The following FOXN3 variants were observed in gnomAD, a reference collection of about 807,000 sequenced individuals.
FOXN3 encodes forkhead box protein N3.
FOXN3 carries 7 observed loss-of-function variants against 38.4 expected under a neutral mutation model. The observed-to-expected ratio is 0.18, with a 90% CI of 0.10 to 0.34. FOXN3 has a LOEUF of 0.34. FOXN3 is among the 10% of genes least tolerant of loss of function. The pLI, the probability that FOXN3 is intolerant of heterozygous loss-of-function variation, is 1.00. For synonymous variants in FOXN3, 230 were observed against 242.2 expected, an observed-to-expected ratio of 0.95 and a Z score of 0.47; for missense variants, 456 against 613.4, an observed-to-expected ratio of 0.74 and a Z score of 2.71.
intron 1 of FOXN3, among the ~76,000 whole-genome samples, chr14:89,504,607 A>T (rs1893871747): frequency 6.6e-6 from 1 of 152,206 alleles, no homozygotes; most frequent in African/African-American, 2.4e-5. Flanking sequence ...AGAACTGCCC[A>T]TTCCAGGCAC....
chr14:89,533,527 G>A (rs149860479), intron 1 of FOXN3, among the ~76,000 whole-genome samples: 3,440 of 152,176 alleles, frequency 0.023, 58 homozygotes, highest in Non-Finnish European at 0.036. Context: ...GCCGGGCATG[G>A]TGGCGGGGGC....
intron 5 of FOXN3, among the ~76,000 whole-genome samples, chr14:89,166,094 T>G (rs778706171): frequency 2.0e-5 from 3 of 152,220 alleles, no homozygotes; most frequent in Non-Finnish European, 2.9e-5. Context: ...CTATTCATTG[T>G]GCTTTTCTTT....
chr14:89,350,537 A>C, intron 3 of FOXN3, 135 bp downstream of exon 3: 3 of 748,266 alleles, frequency 4.0e-6, no homozygotes, highest in Non-Finnish European at 6.1e-6. Flanking sequence ...CCTCCTAATA[A>C]TACTTAATTT....
intron 3 of FOXN3, among the ~76,000 whole-genome samples, chr14:89,301,787 A>G (rs1238464543): frequency 2.0e-5 from 3 of 152,086 alleles, no homozygotes; most frequent in Non-Finnish European, 4.4e-5. Flanking sequence ...AAAAAATTCC[A>G]AAAAGTAATC....
chr14:89,403,418 G>A (rs1015940248), intron 2 of FOXN3, among the ~76,000 whole-genome samples: 3 of 152,050 alleles, frequency 2.0e-5, no homozygotes, highest in Admixed American at 6.6e-5. Flanking sequence ...GGCTGGTCTC[G>A]AACTCCTGGG....
intron 3 of FOXN3, among the ~76,000 whole-genome samples, chr14:89,338,082 G>A (rs549251997): frequency 6.6e-6 from 1 of 152,112 alleles, no homozygotes; most frequent in South Asian, 2.1e-4. Context: ...GTCTGGCCTC[G>A]TGCATACCCA....
chr14:89,270,236 G>T (rs1886106157), intron 4 of FOXN3, among the ~76,000 whole-genome samples: 1 of 152,204 alleles, frequency 6.6e-6, no homozygotes, highest in South Asian at 2.1e-4. Flanking sequence ...TGCATCAGGA[G>T]CTTCAGAGAG....
Position 89,415,847 on chromosome 14 carries a change from TACACACACACACAC to T in FOXN3, c.-15+1010_-15+1023del, listed in dbSNP as rs5810462. On this transcript the variant is annotated intron_variant, in intron 1 of 5. Transcript: ENST00000557258. ...TGGTGACCTCCTTACAACTTTTCTCTACACACACACACACACACACACACACACACACACACCCT... is the reference window on the plus strand; with the variant it reads ...TGGTGACCTCCTTACAACTTTTCTCTACACACACACACACACACACACCCT... Among the ~76,000 whole-genome samples, 9 of 140,492 alleles carry T rather than the reference TACACACACACACAC, an allele frequency of 6.4e-5. No homozygotes were observed. The South Asian group carries it at 1.1e-3, about 17-fold the overall frequency. 92.2% of individuals were successfully genotyped at this position (140,492 alleles called of 152,430 possible).
intron 3 of FOXN3, among the ~76,000 whole-genome samples, chr14:89,296,985 G>A (rs1887058395): frequency 6.6e-6 from 1 of 152,174 alleles, no homozygotes; most frequent in Non-Finnish European, 1.5e-5. Context: ...AACAGCTTCA[G>A]AATTTGGGCC....
At chr14:89,183,271 G>A (rs1002934421) in intron 4 of FOXN3, among the ~76,000 whole-genome samples, 1 of 152,164 alleles carries the variant, frequency 6.6e-6, no homozygotes, top group African/African-American at 2.4e-5. Context: ...CTCAGGTAGA[G>A]CAACAACTTA....
At chr14:89,216,139 A>G (rs1387124870) in intron 4 of FOXN3, among the ~76,000 whole-genome samples, 1 of 152,180 alleles carries the variant, frequency 6.6e-6, no homozygotes, top group Non-Finnish European at 1.5e-5. Context: ...GTTGGTTAAC[A>G]GGCACTTACA....
intron 4 of FOXN3, among the ~76,000 whole-genome samples, chr14:89,252,199 A>C (rs555156634): frequency 6.6e-6 from 1 of 152,238 alleles, no homozygotes; most frequent in African/African-American, 2.4e-5. Flanking sequence ...ATAACCTGCT[A>C]AACTACCAGC....
chr14:89,386,131 G>T (rs1176482819), intron 2 of FOXN3, among the ~76,000 whole-genome samples: 1 of 152,224 alleles, frequency 6.6e-6, no homozygotes, highest in African/African-American at 2.4e-5. Context: ...GATGCACACG[G>T]GGGAGCTCGG....
rs370527287 is a variant in FOXN3, at chr14:89,426,115, G to A, written c.-14-13625C>T. Among the ~76,000 whole-genome samples the A allele has an allele frequency of 2.2e-4, 33 of 151,948 alleles. No homozygotes were observed. In the South Asian group the frequency reaches 4.8e-3, roughly 22 times the overall value. The stretch of plus-strand genomic sequence containing the variant: ...GGACACTTGGAAAGCCAAAACAAGC[G>A]GGCAGAACATCACTTTGTTCACCCT... On this transcript the variant is annotated intron_variant, in intron 1 of 6. Transcript: ENST00000345097.
chr14:89,419,216 T>C (rs1891841713), upstream of FOXN3: 1 of 455,982 alleles, frequency 2.2e-6, no homozygotes, highest in African/African-American at 2.0e-5. Context: ...GGACCAGCCC[T>C]GCCTGATGTG....
rs142603631 is a variant in FOXN3 at position 89,496,010 on chromosome 14, C to G, written c.-14-83520G>C. Reference sequence around the variant, plus strand: ...CGGGTGGATCATGAGGTCAGGAGCTCGAGAACAGCTTGGCCAACGTGGTAA... The same window carrying G: ...CGGGTGGATCATGAGGTCAGGAGCTGGAGAACAGCTTGGCCAACGTGGTAA... On this transcript the variant is annotated intron_variant, in intron 1 of 6. Transcript: ENST00000345097. 5.9e-5 allele frequency among the ~76,000 whole-genome samples: 9 copies of G among 152,214 alleles called. No individual in the cohort carries two copies. In the East Asian group the frequency reaches 1.5e-3, roughly 26 times the overall value.
intron 4 of FOXN3, among the ~76,000 whole-genome samples, chr14:89,253,679 A>G (rs781007021): frequency 3.3e-5 from 5 of 152,132 alleles, no homozygotes; most frequent in Non-Finnish European, 7.4e-5. Flanking sequence ...GTACAGACAT[A>G]TGTGTCTAAG....
intron 1 of FOXN3, among the ~76,000 whole-genome samples, chr14:89,468,438 A>G (rs1893026150): frequency 6.6e-6 from 1 of 151,708 alleles, no homozygotes; most frequent in African/African-American, 2.4e-5. Context: ...TGGGTGACAG[A>G]GGAAGGCTGT....
At chr14:89,345,356 TAAA>T (rs928359802) in intron 3 of FOXN3, among the ~76,000 whole-genome samples, 1 of 140,362 alleles carries the variant, frequency 7.1e-6, no homozygotes, top group Non-Finnish European at 1.6e-5. Context: ...GAGACTGCTT[TAAA>T]AAAAAAAAAA....
Sources: gnomAD v4.1 joint callset for allele counts (sites outside exome capture counted in the v4.1 genomes callset) on GRCh38, gnomAD v4.1.1 for gene constraint, MANE v1.5 for transcripts, NCBI Gene and HGNC (gene_info 2026-07-23, HGNC 2026-07-21) for gene names.